TSPAN2: variants seen among roughly 807,000 people sequenced by gnomAD.
TSPAN2 encodes tetraspanin-2.
In TSPAN2, 24 loss-of-function variants were observed where a neutral mutation model predicts 33.3. The ratio of observed to expected loss-of-function variants is 0.72; its 90% CI spans 0.52 to 1.01. The LOEUF (loss-of-function observed/expected upper bound fraction) is 1.01, where lower values mean the gene tolerates loss of function less well. Ranked by LOEUF, TSPAN2 falls within the 50% of genes least tolerant of loss-of-function variation. TSPAN2 has a pLI of 0.00. For missense variants in TSPAN2, 278 were observed against 281.3 expected, an observed-to-expected ratio of 0.99 and a Z score of 0.08; for synonymous variants, 114 against 104.5, an observed-to-expected ratio of 1.09 and a Z score of -0.56.
chr1:115,073,645 C>T (rs1192270803), intron 1 of TSPAN2, among the ~76,000 whole-genome samples: 2 of 151,760 alleles, frequency 1.3e-5, no homozygotes, highest in African/African-American at 4.8e-5. Context: ...GGGAGATAGC[C>T]TAGTCTTTTT....
intron 1 of TSPAN2, among the ~76,000 whole-genome samples, chr1:115,076,050 A>G (rs1294536450): frequency 6.6e-6 from 1 of 152,204 alleles, no homozygotes; most frequent in African/African-American, 2.4e-5. Flanking sequence ...TAAGTGCACT[A>G]TAATGCAGGA....
intron 5 of TSPAN2, 118 bp from the exon 6 acceptor site, chr1:115,057,726 T>G: frequency 1.2e-6 from 1 of 826,540 alleles, no homozygotes; most frequent in Non-Finnish European, 2.1e-6. Flanking sequence ...GCCCAGTCAC[T>G]GCAACCCAGA....
At chr1:115,089,243 G>T in intron 1 of TSPAN2, 121 bp downstream of exon 1, 1 of 748,512 alleles carries the variant, frequency 1.3e-6, no homozygotes, top group Non-Finnish European at 2.0e-6. Context: ...CTCCGCGTTT[G>T]AGCACCCAGC....
intron 1 of TSPAN2, among the ~76,000 whole-genome samples, chr1:115,084,035 T>C (rs148948249): frequency 2.0e-5 from 3 of 152,194 alleles, no homozygotes; most frequent in African/African-American, 7.2e-5. Context: ...TTTGACTCCA[T>C]GCCCTTGATA....
intron 1 of TSPAN2, 52 bp downstream of exon 1, chr1:115,089,312 G>GGC: frequency 7.2e-7 from 1 of 1,389,134 alleles, no homozygotes; most frequent in Non-Finnish European, 9.8e-7. Context: ...CCGGCCCCGC[G>GGC]CCCGCCACCC....
Position 115,048,470 on chromosome 1 carries a change from G to A in TSPAN2, c.*2020C>T, listed in dbSNP as rs1212225723. The A allele has an allele frequency of 6.6e-6, 1 of 151,848 alleles. No individual in the cohort carries two copies. Among genetic ancestry groups the A allele is most frequent in the Non-Finnish European group, 1.5e-5 (1 of 67,872 alleles). 9.4% of individuals were successfully genotyped at this position (151,848 alleles called of 1,614,324 possible). A position where few individuals can be genotyped will look rare whatever the true frequency, so the allele number is the denominator to read the frequency against. Reference sequence around the variant, plus strand: ...GGGCACATTAATCGTACATGGAACAGAACCCTTCTCTTCTACTTTAATTAA... The same window carrying A: ...GGGCACATTAATCGTACATGGAACAAAACCCTTCTCTTCTACTTTAATTAA... On this transcript the variant is annotated 3_prime_UTR_variant, in exon 8 of 8. Coordinates refer to ENST00000369516, the MANE Select transcript of TSPAN2 (RefSeq NM_005725.6).
At chr1:115,060,425 T>C in intron 4 of TSPAN2, 39 bp downstream of exon 4, 1 of 1,486,694 alleles carries the variant, frequency 6.7e-7, no homozygotes, top group Non-Finnish European at 9.4e-7. Flanking sequence ...CTAACACTTT[T>C]AACCATCATA....
chr1:115,048,752 T>C lies in TSPAN2; in HGVS notation c.*1738A>G, dbSNP rs1033376252. 14 of 152,088 alleles carry C rather than the reference T, an allele frequency of 9.2e-5. No homozygotes were observed. Among genetic ancestry groups the C allele is most frequent in the Admixed American group, 3.3e-4 (5 of 15,268 alleles). 9.4% of individuals were successfully genotyped at this position (152,088 alleles called of 1,614,324 possible). On this transcript the variant is annotated 3_prime_UTR_variant, in exon 8 of 8. Transcript: ENST00000369516. The stretch of plus-strand genomic sequence containing the variant: ...CAACTACTGGGGTACAAACTATATT[T>C]CATGAAGTAATTTTTGTAAAATAAT...
chr1:115,077,616 T>C (rs1648466308), intron 1 of TSPAN2, among the ~76,000 whole-genome samples: 2 of 152,258 alleles, frequency 1.3e-5, no homozygotes. Flanking sequence ...ACAAAAAGTT[T>C]TCTTTAATAA....
Position 115,057,693 on chromosome 1 carries a change from C to T in TSPAN2, c.445-85G>A, listed in dbSNP as rs1469125067. ...GGCACCCTGCTAAGGACTGGGGTGC[C>T]GAGGCGGCAAAGCAGCTCCGAGGCC... On this transcript the variant is annotated intron_variant, in intron 5 of 7. Transcript: ENST00000369516. 25 of 1,335,320 alleles carry T rather than the reference C, an allele frequency of 1.9e-5. No individual in the cohort carries two copies. The East Asian group carries it at 3.5e-4, about 18-fold the overall frequency. The allele number at this position is 1,335,320 out of a possible 1,614,324, so 82.7% of individuals were successfully genotyped here. A position where few individuals can be genotyped will look rare whatever the true frequency, so the allele number is the denominator to read the frequency against.
intron 6 of TSPAN2, 146 bp downstream of exon 6, chr1:115,057,391 C>T (rs1038910987): frequency 1.0e-5 from 8 of 771,874 alleles, no homozygotes; most frequent in African/African-American, 3.5e-5. Context: ...CTCAGCTCAA[C>T]GCTATTCATT....
chr1:115,060,314 T>C (rs573173106), intron 4 of TSPAN2, 150 bp downstream of exon 4: 3 of 623,968 alleles, frequency 4.8e-6, no homozygotes, highest in Admixed American at 3.0e-5. Context: ...CATATACATA[T>C]ATGCTCAGTT....
chr1:115,082,515 T>C (rs1280246950), intron 1 of TSPAN2, among the ~76,000 whole-genome samples: 1 of 152,230 alleles, frequency 6.6e-6, no homozygotes, highest in African/African-American at 2.4e-5. Context: ...TGGCACATAG[T>C]GTACATTTAT....
intron 1 of TSPAN2, among the ~76,000 whole-genome samples, chr1:115,079,236 T>C (rs1275542446): frequency 6.6e-6 from 1 of 152,000 alleles, no homozygotes. Flanking sequence ...CCAGGGTGAA[T>C]ACCAACTCAT....
At chr1:115,081,816 C>G (rs1648634812) in intron 1 of TSPAN2, among the ~76,000 whole-genome samples, 1 of 152,200 alleles carries the variant, frequency 6.6e-6, no homozygotes, top group African/African-American at 2.4e-5. Context: ...AAACATCGCT[C>G]CCATGGTTCC....
intron 2 of TSPAN2, among the ~76,000 whole-genome samples, chr1:115,065,457 G>C (rs182267784): frequency 6.6e-6 from 1 of 152,226 alleles, no homozygotes; most frequent in African/African-American, 2.4e-5. Flanking sequence ...GAGTCCTATT[G>C]CCTTTGATTT....
At chr1:115,089,064 A>G (rs990648054) in intron 1 of TSPAN2, among the ~76,000 whole-genome samples, 9 of 151,962 alleles carry the variant, frequency 5.9e-5, no homozygotes, top group African/African-American at 2.2e-4. Flanking sequence ...GGGTCCCCGC[A>G]CCTGGGGTCA....
At chr1:115,087,812 T>C (rs748082476) in intron 1 of TSPAN2, among the ~76,000 whole-genome samples, 4 of 152,300 alleles carry the variant, frequency 2.6e-5, no homozygotes, top group African/African-American at 7.2e-5. Context: ...TGCTTAGCAC[T>C]GTCCCTGACA....
Position 115,058,913 on chromosome 1 carries a change from G to T in TSPAN2, c.414C>A (p.Gly138=). The change falls in exon 5 of 8, where the codon GGC becomes GGA. Residue 138 remains glycine, a synonymous_variant. Coordinates refer to ENST00000369516, the MANE Select transcript of TSPAN2 (RefSeq NM_005725.6). ...YNDYLKDRGK[G]NGTLITFHST... is the part of the protein sequence containing the mutation. ...AGTGGAAGGTGATGAGTGTCCCATT[G>T]CCTTTTCCCCTGTCTTTAAGGTAAT... 1 of 1,613,874 alleles carries T rather than the reference G, an allele frequency of 6.2e-7. No individual in the cohort carries two copies. The highest frequency in any genetic ancestry group is 8.5e-7 in the Non-Finnish European group (1 of 1,179,764).
Sources: allele counts gnomAD v4.1 joint callset (sites outside exome capture counted in the v4.1 genomes callset), GRCh38; gene constraint gnomAD v4.1.1; transcripts MANE v1.5; gene names NCBI Gene and HGNC (gene_info 2026-07-23, HGNC 2026-07-21).